TUSC3: variants seen among roughly 807,000 people sequenced by gnomAD.
TUSC3 encodes dolichyl-diphosphooligosaccharide--protein glycosyltransferase subunit TUSC3.
TUSC3 carries 45 observed loss-of-function variants against 44.8 expected under a neutral mutation model. The ratio of observed to expected loss-of-function variants is 1.00; its 90% confidence interval spans 0.79 to 1.29. The LOEUF (loss-of-function observed/expected upper bound fraction) is 1.29. Ranked by LOEUF, TUSC3 falls within the 50% of genes most tolerant of loss-of-function variation. The pLI is 0.00. For missense variants in TUSC3, 519 were observed against 437.9 expected, an observed-to-expected ratio of 1.19 and a Z score of -1.65; for synonymous variants, 212 against 152.9, an observed-to-expected ratio of 1.39 and a Z score of -2.85.
At chr8:15,565,158 AG>A in intron 1 of TUSC3, among the ~76,000 whole-genome samples, 1 of 144,916 alleles carries the variant, frequency 6.9e-6, no homozygotes, top group Non-Finnish European at 1.5e-5. Context: ...GGAAGCGTTG[AG>A]GGGAGCCTTT....
At chr8:15,530,586 T>C (rs1343524134) in intron 2 of TUSC3, among the ~76,000 whole-genome samples, 2 of 152,156 alleles carry the variant, frequency 1.3e-5, no homozygotes, top group Non-Finnish European at 2.9e-5. Flanking sequence ...GCTCCAGGGC[T>C]CATGCTTCTA....
At chr8:15,681,212 G>A (rs1050694878) in intron 6 of TUSC3, among the ~76,000 whole-genome samples, 10 of 73,322 alleles carry the variant, frequency 1.4e-4, no homozygotes, top group East Asian at 2.9e-4. Flanking sequence ...TGAGGATTCC[G>A]TCCTCCTTTT....
chr8:15,660,270 G>A (rs1160365385), intron 4 of TUSC3, among the ~76,000 whole-genome samples: 1 of 151,800 alleles, frequency 6.6e-6, no homozygotes, highest in African/African-American at 2.4e-5. Flanking sequence ...ATATACTATG[G>A]CATAGCCAAA....
chr8:15,790,707 G>A, the TUSC3 span, among the ~76,000 whole-genome samples: 1 of 152,110 alleles, frequency 6.6e-6, no homozygotes. Flanking sequence ...GTTGAAGGAT[G>A]GTAGCAGCTT....
intron 1 of TUSC3, among the ~76,000 whole-genome samples, chr8:15,586,542 A>AC (rs1358240647): frequency 6.6e-6 from 1 of 152,132 alleles, no homozygotes; most frequent in African/African-American, 2.4e-5. Context: ...GGGTCGCATT[A>AC]CCTCAGGCCC....
At chr8:15,516,837 CA>C (rs1801222326) in intron 2 of TUSC3, among the ~76,000 whole-genome samples, 2 of 151,986 alleles carry the variant, frequency 1.3e-5, no homozygotes, top group Admixed American at 1.3e-4. Context: ...ATTATATTTC[CA>C]AATGAGTCTA....
chr8:15,499,101 A>G (rs925890017), intron 2 of TUSC3, among the ~76,000 whole-genome samples: 1 of 151,726 alleles, frequency 6.6e-6, no homozygotes, highest in African/African-American at 2.4e-5. Context: ...ATCACCCACT[A>G]CTTTTCATGG....
At chr8:15,772,730 T>C in the TUSC3 span, among the ~76,000 whole-genome samples, 1 of 152,200 alleles carries the variant, frequency 6.6e-6, no homozygotes. Flanking sequence ...TTATCTCTTA[T>C]GACAGTGCAT....
chr8:15,445,983 C>T (rs950405158), intron 1 of TUSC3, among the ~76,000 whole-genome samples: 41 of 148,796 alleles, frequency 2.8e-4, no homozygotes, highest in Non-Finnish European at 3.3e-4. Flanking sequence ...GGCAGCTGCC[C>T]GGCGGAGACG....
intron 1 of TUSC3, among the ~76,000 whole-genome samples, chr8:15,478,190 T>A (rs903233787): frequency 6.6e-6 from 1 of 152,230 alleles, no homozygotes; most frequent in East Asian, 1.9e-4. Flanking sequence ...GGTCTCAAAG[T>A]CCGGGCCTCA....
the TUSC3 span, among the ~76,000 whole-genome samples, chr8:15,838,833 A>C: frequency 2.0e-5 from 3 of 152,076 alleles, no homozygotes; most frequent in African/African-American, 4.8e-5. Context: ...TTGTCTTGGC[A>C]ATGCAGGCTC....
intron 1 of TUSC3, among the ~76,000 whole-genome samples, chr8:15,445,544 A>T (rs1285469868): frequency 6.6e-6 from 1 of 152,306 alleles, no homozygotes; most frequent in Non-Finnish European, 1.5e-5. Flanking sequence ...GCCTTCAAGC[A>T]TCTGTTTAAC....
At chr8:15,495,665 C>T (rs1285903753) in intron 2 of TUSC3, among the ~76,000 whole-genome samples, 4 of 152,148 alleles carry the variant, frequency 2.6e-5, no homozygotes, top group Admixed American at 1.3e-4. Flanking sequence ...GTATGGGAGC[C>T]TCCACCAAGT....
chr8:15,601,286 C>T (rs1164943940), intron 1 of TUSC3, among the ~76,000 whole-genome samples: 1 of 151,632 alleles, frequency 6.6e-6, no homozygotes, highest in Non-Finnish European at 1.5e-5. Context: ...GTTTCCCCCC[C>T]GTTGCCTATA....
At chr8:15,504,146 A>G (rs1161772860) in intron 2 of TUSC3, among the ~76,000 whole-genome samples, 1 of 152,166 alleles carries the variant, frequency 6.6e-6, no homozygotes, top group Non-Finnish European at 1.5e-5. Flanking sequence ...ACAATAGGGT[A>G]GAGGTTAATA....
chr8:15,641,939 G>A lies in TUSC3; in HGVS notation c.309-8758G>A, dbSNP rs117081235. On this transcript the variant is annotated intron_variant, in intron 2 of 10. Transcript: ENST00000503731. ...AAGTGATGGAAATGTTTATTAACTT[G>A]ACTGTGGTGGTGGTAACATGAATGT... 7.0e-3 allele frequency among the ~76,000 whole-genome samples: 1,066 copies of A among 152,320 alleles called. 6 individuals carry two copies. The highest frequency in any genetic ancestry group is 0.011 in the Non-Finnish European group (780 of 68,024).
At chr8:15,562,852 T>G (rs985714817) in intron 1 of TUSC3, among the ~76,000 whole-genome samples, 1 of 152,138 alleles carries the variant, frequency 6.6e-6, no homozygotes, top group Admixed American at 6.5e-5. Flanking sequence ...TTTTCCTGAT[T>G]AGGTGAGGCT....
At chr8:15,609,183 A>T (rs1804657208) in intron 1 of TUSC3, among the ~76,000 whole-genome samples, 1 of 152,180 alleles carries the variant, frequency 6.6e-6, no homozygotes, top group African/African-American at 2.4e-5. Context: ...GAGTATAGTT[A>T]CGGTTTTGTT....
intron 1 of TUSC3, among the ~76,000 whole-genome samples, chr8:15,455,024 G>A (rs867149798): frequency 6.6e-6 from 1 of 152,140 alleles, no homozygotes; most frequent in East Asian, 1.9e-4. Context: ...GGGTTGGAGG[G>A]TACAAGATGT....
Sources: allele counts gnomAD v4.1 joint callset (sites outside exome capture counted in the v4.1 genomes callset), GRCh38; gene constraint gnomAD v4.1.1; transcripts MANE v1.5; gene names NCBI Gene and HGNC (gene_info 2026-07-23, HGNC 2026-07-21).